MTUS1: variants seen among roughly 807,000 people sequenced by gnomAD.
MTUS1 encodes microtubule associated scaffold protein 1, also known as microtubule-associated tumor suppressor 1.
MTUS1 carries 109 observed loss-of-function variants against 120.8 expected under a neutral mutation model. That is an observed-to-expected ratio of 0.90 (90% confidence interval 0.77 to 1.06). MTUS1 has a LOEUF of 1.06. MTUS1 is among the 50% of genes least tolerant of loss of function. The pLI, the probability that MTUS1 is intolerant of heterozygous loss-of-function variation, is 0.00. For missense variants in MTUS1, 2,210 were observed against 1,486.3 expected (o/e 1.49, Z -8.01); for synonymous variants, 737 against 550.5 (o/e 1.34, Z -4.74).
In MTUS1 at chr8:17,801,085, G is replaced by C. The variant is rs968668018; in HGVS notation, c.-179C>G. Among the ~76,000 whole-genome samples the C allele has an allele frequency of 2.8e-4, 42 of 152,010 alleles. No individual in the cohort carries two copies. The highest frequency in any genetic ancestry group is 2.7e-3 in the Admixed American group (42 of 15,276). ...CCCGCAGCTCCTTCAAGCGCTCCGG[G>C]AGCAAAGACGCAGAGGCGGGGAGGG... On this transcript the variant is annotated 5_prime_UTR_variant, in exon 1 of 15. Transcript: ENST00000693296.
Position 17,755,231 on chromosome 8 carries a change from T to C in MTUS1, c.577A>G (p.Thr193Ala). ...GATGTACTTCCACTTCTCCTACCAG[T>C]TGGTGGCAGGCTTCCAGCAGTATGG... is the stretch of plus-strand genomic sequence containing the variant. ...SFHTAGSLPP[T>A]GRRSGSTSSL... The change falls in exon 2 of 15, where the codon ACT becomes GCT. Residue 193 changes from threonine to alanine, a missense_variant. By Grantham distance (58) the Thr-to-Ala change is moderately conservative. Coordinates refer to ENST00000693296, the MANE Select transcript of MTUS1 (RefSeq NM_001363059.2). 6.2e-7 allele frequency: 1 copy of C among 1,614,154 alleles called. No homozygotes were observed. Among genetic ancestry groups the C allele is most frequent in the South Asian group, 1.1e-5 (1 of 91,084 alleles).
chr8:17,647,606 G>C lies in MTUS1; in HGVS notation c.3502-527C>G, dbSNP rs971028623. Among the ~76,000 whole-genome samples the C allele has an allele frequency of 3.9e-5, 6 of 152,102 alleles. No individual in the cohort carries two copies. The South Asian group carries it at 6.2e-4, about 16-fold the overall frequency. ...GAGTGGCCATACAAAGCTTCAATTC[G>C]ATAGAGCTCTTAGAGCATGCCATCA... On this transcript the variant is annotated intron_variant, in intron 13 of 14. Transcript: ENST00000693296.
intron 1 of MTUS1, among the ~76,000 whole-genome samples, chr8:17,759,695 G>A (rs918185225): frequency 6.7e-6 from 1 of 149,148 alleles, no homozygotes; most frequent in Non-Finnish European, 1.5e-5. Flanking sequence ...TTGCTTTTAA[G>A]ACTCATATAC....
chr8:17,706,411 C>T (rs1384353993), intron 6 of MTUS1, among the ~76,000 whole-genome samples: 2 of 152,122 alleles, frequency 1.3e-5, no homozygotes, highest in African/African-American at 2.4e-5. Flanking sequence ...AAAGTTCGTT[C>T]TCCTCCTGCT....
chr8:17,650,129 G>A (rs1170982671), intron 12 of MTUS1, among the ~76,000 whole-genome samples, 167 bp from the exon 13 acceptor site: 3 of 152,162 alleles, frequency 2.0e-5, no homozygotes, highest in Non-Finnish European at 2.9e-5. Flanking sequence ...CCTTAATGTC[G>A]AAGACTGGTC....
At chr8:17,795,767 G>T (rs570272633) in intron 1 of MTUS1, among the ~76,000 whole-genome samples, 1 of 151,572 alleles carries the variant, frequency 6.6e-6, no homozygotes, top group African/African-American at 2.4e-5. Context: ...AGCCTCCCAC[G>T]TAGCGGGGAT....
intron 1 of MTUS1, chr8:17,781,071 A>C (rs443187): frequency 3.9e-5 from 6 of 152,034 alleles, no homozygotes; most frequent in Non-Finnish European, 7.4e-5. Flanking sequence ...TCAGATCTCC[A>C]TAAGTACCCT....
chr8:17,773,352 T>G (rs2050155923), intron 1 of MTUS1, among the ~76,000 whole-genome samples: 1 of 152,200 alleles, frequency 6.6e-6, no homozygotes, highest in African/African-American at 2.4e-5. Context: ...CTAGAGATGC[T>G]CTGGGGTTAC....
chr8:17,734,523 G>A (rs944334914), intron 3 of MTUS1, among the ~76,000 whole-genome samples: 1 of 152,150 alleles, frequency 6.6e-6, no homozygotes, highest in African/African-American at 2.4e-5. Context: ...AGCATTCTCG[G>A]TGATGCTGTC....
chr8:17,777,477 C>G (rs560518666), intron 1 of MTUS1, among the ~76,000 whole-genome samples: 4 of 151,332 alleles, frequency 2.6e-5, no homozygotes, highest in Non-Finnish European at 5.9e-5. Flanking sequence ...AGATGTCAGG[C>G]ACAGTGTGTC....
intron 3 of MTUS1, among the ~76,000 whole-genome samples, chr8:17,742,919 T>C (rs1385722236): frequency 6.6e-6 from 1 of 152,114 alleles, no homozygotes; most frequent in East Asian, 1.9e-4. Context: ...AGAAGTAAGG[T>C]GGGTTCTTTG....
intron 2 of MTUS1, among the ~76,000 whole-genome samples, chr8:17,753,062 G>C (rs1662270917): frequency 6.6e-6 from 1 of 152,060 alleles, no homozygotes; most frequent in Non-Finnish European, 1.5e-5. Context: ...AAAACATACT[G>C]GTTTTTCACT....
chr8:17,712,081 G>A (rs1157988593), intron 6 of MTUS1, among the ~76,000 whole-genome samples: 2 of 152,186 alleles, frequency 1.3e-5, no homozygotes, highest in African/African-American at 4.8e-5. Flanking sequence ...TTGAAATAGT[G>A]TGAGAATTAC....
chr8:17,786,322 G>T (rs1370188153), intron 1 of MTUS1, among the ~76,000 whole-genome samples: 3 of 152,082 alleles, frequency 2.0e-5, no homozygotes, highest in Non-Finnish European at 4.4e-5. Context: ...GCAGTGCCTG[G>T]CAGCAGACAG....
intron 6 of MTUS1, among the ~76,000 whole-genome samples, chr8:17,688,510 C>T (rs1205824101): frequency 6.6e-6 from 1 of 152,202 alleles, no homozygotes; most frequent in Non-Finnish European, 1.5e-5. Flanking sequence ...AGGTTATGAA[C>T]TCAGAAGCTA....
intron 4 of MTUS1, chr8:17,723,350 G>A: frequency 2.8e-6 from 1 of 353,736 alleles, no homozygotes; most frequent in South Asian, 2.7e-5. Flanking sequence ...CAAAGTAAAT[G>A]AAACTGAAAT....
chr8:17,659,327 G>A (rs997044964), intron 8 of MTUS1, among the ~76,000 whole-genome samples: 3 of 152,166 alleles, frequency 2.0e-5, no homozygotes, highest in Non-Finnish European at 2.9e-5. Context: ...GTGGCACTCA[G>A]GATAGTTTAC....
intron 8 of MTUS1, among the ~76,000 whole-genome samples, chr8:17,657,335 G>A (rs7388360): frequency 0.94 from 137,718 of 146,936 alleles, 64,561 homozygotes; most frequent in Middle Eastern, 0.97. Context: ...TTGGGAGGCC[G>A]AGGCGGGCGG....
intron 1 of MTUS1, among the ~76,000 whole-genome samples, chr8:17,767,008 A>G (rs1462195326): frequency 6.6e-6 from 1 of 152,152 alleles, no homozygotes; most frequent in Admixed American, 6.6e-5. Context: ...CCAGTATATA[A>G]TAAGACTGGC....
Sources: allele counts gnomAD v4.1 joint callset (sites outside exome capture counted in the v4.1 genomes callset), GRCh38; gene constraint gnomAD v4.1.1; transcripts MANE v1.5; gene names NCBI Gene and HGNC (gene_info 2026-07-23, HGNC 2026-07-21).